The following UNC5D variants were observed in gnomAD, a reference collection of about 807,000 sequenced individuals.
The protein encoded by UNC5D is netrin receptor UNC5D.
In UNC5D, 39 loss-of-function variants were observed where a neutral mutation model predicts 105.4. The ratio of observed to expected loss-of-function variants is 0.37; its 90% CI spans 0.29 to 0.48. UNC5D has a LOEUF of 0.48. UNC5D is among the 20% of genes least tolerant of loss of function. The probability of loss-of-function intolerance (pLI) is 0.98; values close to 1 mark genes in which losing one functional copy is unlikely to be tolerated. For missense variants in UNC5D, 991 were observed against 1,202.4 expected (o/e 0.82, Z 2.60); for synonymous variants, 452 against 450.4 (o/e 1.00, Z -0.04).
intron 1 of UNC5D, among the ~76,000 whole-genome samples, chr8:35,437,241 T>C (rs1807077551): frequency 6.6e-6 from 1 of 152,128 alleles, no homozygotes; most frequent in South Asian, 2.1e-4. Flanking sequence ...TGCCATTATC[T>C]ATAGGTGTTT....
chr8:35,418,206 T>C (rs1224669912), intron 1 of UNC5D, among the ~76,000 whole-genome samples: 1 of 152,134 alleles, frequency 6.6e-6, no homozygotes, highest in African/African-American at 2.4e-5. Context: ...GTCAGTAGTG[T>C]TCAGAAACAA....
At chr8:35,695,457 C>T (rs1358182632) in intron 7 of UNC5D, among the ~76,000 whole-genome samples, 1 of 152,086 alleles carries the variant, frequency 6.6e-6, no homozygotes, top group East Asian at 1.9e-4. Context: ...GCCTATAGTT[C>T]AAGGCTATAG....
intron 11 of UNC5D, among the ~76,000 whole-genome samples, chr8:35,740,598 C>T (rs1829709543): frequency 1.3e-5 from 2 of 152,190 alleles, no homozygotes; most frequent in Admixed American, 6.5e-5. Flanking sequence ...TACCTCAGGG[C>T]CCTGCTTTCC....
intron 4 of UNC5D, among the ~76,000 whole-genome samples, chr8:35,655,956 G>A (rs1428481000): frequency 2.7e-4 from 41 of 152,186 alleles, no homozygotes; most frequent in Admixed American, 2.6e-3. Context: ...ATTTGCATGG[G>A]AATAATACTC....
intron 1 of UNC5D, among the ~76,000 whole-genome samples, chr8:35,445,896 G>T (rs1488535264): frequency 6.6e-6 from 1 of 152,060 alleles, no homozygotes; most frequent in Admixed American, 6.6e-5. Context: ...ATATATAAAA[G>T]TTTAAAACTG....
At chr8:35,721,548 G>A (rs1828585405) in intron 8 of UNC5D, 2 of 702,172 alleles carry the variant, frequency 2.8e-6, no homozygotes, top group Non-Finnish European at 5.2e-6. Flanking sequence ...CATTTAATTG[G>A]TGTCAGAAAA....
At chr8:35,454,895 C>G (rs943372968) in intron 1 of UNC5D, among the ~76,000 whole-genome samples, 3 of 152,148 alleles carry the variant, frequency 2.0e-5, no homozygotes, top group African/African-American at 7.2e-5. Flanking sequence ...ACTTCCCTTT[C>G]CTGACTCAGG....
At chr8:35,560,251 G>C (rs1259574406) in intron 2 of UNC5D, among the ~76,000 whole-genome samples, 4 of 152,162 alleles carry the variant, frequency 2.6e-5, no homozygotes. Flanking sequence ...CTCCCCTGTA[G>C]CATTTTCTAT....
chr8:35,466,091 G>C (rs1278157638), intron 1 of UNC5D, among the ~76,000 whole-genome samples: 2 of 152,150 alleles, frequency 1.3e-5, no homozygotes, highest in African/African-American at 4.8e-5. Flanking sequence ...AATTTGTGTT[G>C]TAAGGCACCA....
At chr8:35,661,676 G>A (rs537083120) in intron 4 of UNC5D, among the ~76,000 whole-genome samples, 2 of 152,264 alleles carry the variant, frequency 1.3e-5, no homozygotes, top group Middle Eastern at 3.4e-3. Context: ...ATCATGCACA[G>A]CACACAGGAC....
At chr8:35,286,294 C>G (rs1249924889) in intron 1 of UNC5D, among the ~76,000 whole-genome samples, 1 of 152,164 alleles carries the variant, frequency 6.6e-6, no homozygotes, top group East Asian at 1.9e-4. Context: ...TATCCACAGG[C>G]AAGAATACCA....
chr8:35,705,753 GA>G (rs958547662), intron 7 of UNC5D, among the ~76,000 whole-genome samples, 175 bp from the exon 8 acceptor site: 5 of 151,962 alleles, frequency 3.3e-5, no homozygotes, highest in Non-Finnish European at 5.9e-5. Context: ...TTTCAAAAGA[GA>G]AAATTTTTTT....
At chr8:35,567,487 C>T (rs72634948) in intron 2 of UNC5D, among the ~76,000 whole-genome samples, 3,820 of 151,880 alleles carry the variant, frequency 0.025, 166 homozygotes, top group African/African-American at 0.087. Context: ...AGATCCCCAT[C>T]GCTTAAAAAA....
chr8:35,309,040 C>G (rs922349226), intron 1 of UNC5D, among the ~76,000 whole-genome samples: 1 of 152,050 alleles, frequency 6.6e-6, no homozygotes, highest in South Asian at 2.1e-4. Flanking sequence ...TTACCTGGTG[C>G]CTTCCAGAAA....
intron 16 of UNC5D, among the ~76,000 whole-genome samples, chr8:35,786,394 G>A (rs920274445): frequency 3.9e-5 from 6 of 152,070 alleles, no homozygotes; most frequent in East Asian, 1.9e-4. Flanking sequence ...ATTTAGCTTC[G>A]TTTAGCCGTG....
intron 1 of UNC5D, among the ~76,000 whole-genome samples, chr8:35,304,860 G>A (rs560173000): frequency 6.6e-4 from 101 of 152,170 alleles, no homozygotes; most frequent in African/African-American, 2.1e-3. Flanking sequence ...ACAGATGTGG[G>A]AGAAAAATAA....
intron 1 of UNC5D, among the ~76,000 whole-genome samples, chr8:35,520,126 T>C (rs1206734473): frequency 6.6e-6 from 1 of 152,212 alleles, no homozygotes; most frequent in East Asian, 1.9e-4. Flanking sequence ...TGAAGAGACA[T>C]AGCAGAATTA....
chr8:35,302,942 A>C (rs1002234055), intron 1 of UNC5D, among the ~76,000 whole-genome samples: 1 of 152,294 alleles, frequency 6.6e-6, no homozygotes, highest in East Asian at 1.9e-4. Flanking sequence ...TGATAGAAAC[A>C]TGCAAGTCAC....
At chr8:35,721,337 C>T (rs1361662342) in intron 8 of UNC5D, 3 of 687,182 alleles carry the variant, frequency 4.4e-6, no homozygotes, top group East Asian at 2.7e-5. Context: ...CCACATCCAA[C>T]GCACCTCTAG....
Sources: gnomAD v4.1 joint callset for allele counts (sites outside exome capture counted in the v4.1 genomes callset) on GRCh38, gnomAD v4.1.1 for gene constraint, MANE v1.5 for transcripts, NCBI Gene and HGNC (gene_info 2026-07-23, HGNC 2026-07-21) for gene names.